The following HPD variants were observed in gnomAD, a reference collection of about 807,000 sequenced individuals.
The protein encoded by HPD is 4-hydroxyphenylpyruvate dioxygenase.
HPD carries 35 observed loss-of-function variants against 56.9 expected under a neutral mutation model. The ratio of observed to expected loss-of-function variants is 0.62; its 90% CI spans 0.47 to 0.82. The LOEUF is 0.82. Among genes scored for constraint, HPD ranks in the 40% least tolerant of loss-of-function variants. The pLI is 0.00. For missense variants in HPD, 442 were observed against 506.8 expected (o/e 0.87, Z 1.23); for synonymous variants, 186 against 200.2 (o/e 0.93, Z 0.60).
chr12:121,841,697 T>TC (rs911952242), intron 12 of HPD, among the ~76,000 whole-genome samples: 13 of 151,806 alleles, frequency 8.6e-5, no homozygotes, highest in African/African-American at 3.1e-4. Context: ...TTTTTTTTTT[T>TC]TTCCGAGATG....
In HPD at chr12:121,846,915, C is replaced by T. The variant is rs755816788; in HGVS notation, c.778G>A (p.Gly260Arg). 56 of 1,614,004 alleles carry T rather than the reference C, an allele frequency of 3.5e-5. No individual in the cohort carries two copies. The highest frequency in any genetic ancestry group is 1.6e-4 in the Middle Eastern group (1 of 6,084). The change falls in exon 11 of 14, where the codon GGG (glycine) becomes AGG (arginine). Residue 260 changes from glycine to arginine, a missense_variant. Coordinates refer to ENST00000289004, the MANE Select transcript of HPD (RefSeq NM_002150.3). ...GCGATGTGCTGGACCCCAGCGCCCCCGTTATAGTCCACATATTCCTGGGGG... is the reference window on the plus strand; with the variant it reads ...GCGATGTGCTGGACCCCAGCGCCCCTGTTATAGTCCACATATTCCTGGGGG... The part of the protein sequence containing the change: ...SQIQEYVDYN[G>R]GAGVQHIALK...
chr12:121,851,132 G>T (rs941152018), intron 7 of HPD, among the ~76,000 whole-genome samples: 2 of 151,594 alleles, frequency 1.3e-5, no homozygotes, highest in Non-Finnish European at 2.9e-5. Context: ...AAAGTGCTGG[G>T]ATTACAAGCA....
At chr12:121,856,259 G>T in intron 6 of HPD, 65 bp downstream of exon 6, 2 of 1,264,500 alleles carry the variant, frequency 1.6e-6, no homozygotes, top group Non-Finnish European at 2.3e-6. Flanking sequence ...TTCCAGCCCT[G>T]ACTGATGGGG....
Position 121,839,605 on chromosome 12 carries a change from G to A in HPD, c.*123C>T. On this transcript the variant is annotated 3_prime_UTR_variant, in exon 14 of 14. Coordinates refer to ENST00000289004, the MANE Select transcript of HPD (RefSeq NM_002150.3). Reference sequence around the variant, plus strand: ...GAGGGGCGTGGTCAGTGTGGGCGGAGCCTTGGGGGCCGAGTCCGCTGGTGG... The same window carrying A: ...GAGGGGCGTGGTCAGTGTGGGCGGAACCTTGGGGGCCGAGTCCGCTGGTGG... The A allele has an allele frequency of 1.3e-6, 1 of 748,622 alleles. No individual in the cohort carries two copies. The highest frequency in any genetic ancestry group is 2.0e-5 in the Admixed American group (1 of 49,358). 46.4% of individuals were successfully genotyped at this position (748,622 alleles called of 1,614,324 possible).
intron 8 of HPD, among the ~76,000 whole-genome samples, chr12:121,849,361 G>A (rs997980071): frequency 1.3e-5 from 2 of 152,026 alleles, no homozygotes; most frequent in Admixed American, 1.3e-4. Context: ...TAATGGGCCG[G>A]ACATTTTATT....
the HPD span, among the ~76,000 whole-genome samples, chr12:121,882,385 A>C: frequency 2.0e-5 from 3 of 152,230 alleles, no homozygotes; most frequent in African/African-American, 7.2e-5. Flanking sequence ...GAAGATGAGC[A>C]AGATGTGAAA....
intron 7 of HPD, among the ~76,000 whole-genome samples, chr12:121,851,192 C>T (rs1418072024): frequency 6.6e-6 from 1 of 151,804 alleles, no homozygotes. Flanking sequence ...TGTTGTTTTA[C>T]TTAGTGACAT....
chr12:121,842,230 C>A (rs1244061244), intron 12 of HPD, among the ~76,000 whole-genome samples: 1 of 151,662 alleles, frequency 6.6e-6, no homozygotes, highest in Admixed American at 6.6e-5. Flanking sequence ...CTCAAGTGAT[C>A]CTCTCACCTC....
chr12:121,850,472 C>CTTTTTT (rs572420297), intron 7 of HPD, among the ~76,000 whole-genome samples: 1 of 120,166 alleles, frequency 8.3e-6, no homozygotes, highest in East Asian at 2.8e-4. Flanking sequence ...CTTTAACCAT[C>CTTTTTT]TTTTTTTTTT....
upstream of HPD, among the ~76,000 whole-genome samples, chr12:121,862,260 G>C (rs979303854): frequency 6.6e-6 from 1 of 151,972 alleles, no homozygotes; most frequent in South Asian, 2.1e-4. Flanking sequence ...CTCTCTAATG[G>C]GACCATTTAC....
intron 11 of HPD, among the ~76,000 whole-genome samples, chr12:121,845,495 G>T (rs1316616348): frequency 6.6e-6 from 1 of 150,850 alleles, no homozygotes; most frequent in Admixed American, 6.6e-5. Flanking sequence ...CAGCTACTTG[G>T]GAGGCTGAGG....
upstream of HPD, among the ~76,000 whole-genome samples, chr12:121,866,225 C>T (rs559988765): frequency 5.6e-4 from 84 of 149,662 alleles, no homozygotes; most frequent in East Asian, 0.014. Flanking sequence ...GGTGTGAACT[C>T]GGGAGGCAGA....
At chr12:121,886,152 G>A in the HPD span, among the ~76,000 whole-genome samples, 2 of 141,336 alleles carry the variant, frequency 1.4e-5, no homozygotes, top group South Asian at 2.3e-4. Context: ...TCTCTCGCCC[G>A]GGCTGGAGTG....
At chr12:121,868,674 C>A in the HPD span, among the ~76,000 whole-genome samples, 2 of 151,894 alleles carry the variant, frequency 1.3e-5, no homozygotes, top group African/African-American at 2.4e-5. Flanking sequence ...GCCTGTGCCC[C>A]CATGCCCAGC....
chr12:121,862,737 A>G (rs530429510), upstream of HPD, among the ~76,000 whole-genome samples: 7 of 126,964 alleles, frequency 5.5e-5, no homozygotes, highest in African/African-American at 9.2e-5. Context: ...CTGGAGTGCA[A>G]TGGTGCAATC....
upstream of HPD, among the ~76,000 whole-genome samples, chr12:121,865,066 G>C (rs568403660): frequency 1.3e-5 from 2 of 151,890 alleles, no homozygotes; most frequent in Non-Finnish European, 1.5e-5. Context: ...TCAGGAGTTC[G>C]AGACCAGCCT....
chr12:121,853,924 G>A (rs890133429), intron 7 of HPD, among the ~76,000 whole-genome samples: 5 of 144,194 alleles, frequency 3.5e-5, no homozygotes, highest in African/African-American at 1.3e-4. Context: ...GCGACAGAGA[G>A]ACTCCGTCTG....
intron 6 of HPD, 64 bp from the exon 7 acceptor site, chr12:121,854,856 G>A (rs1457806464): frequency 2.3e-5 from 30 of 1,290,148 alleles, no homozygotes; most frequent in Non-Finnish European, 2.9e-5. Context: ...CTTGCCTGCT[G>A]CTCCTGCCTG....
At position 121,847,033 on chromosome 12, in the gene HPD, C is replaced by T. The variant is rs747115644; in HGVS notation, c.759+19G>A. ...ACCTCTTCCCTGCTCCCCTCTCCCC[C>T]AGCCAGGGGCGGCCTCACCTGGATC... On this transcript the variant is annotated intron_variant, in intron 10 of 13. Coordinates refer to ENST00000289004, the MANE Select transcript of HPD (RefSeq NM_002150.3). 2 of 1,613,996 alleles carry T rather than the reference C, an allele frequency of 1.2e-6. No individual in the cohort carries two copies. The highest frequency in any genetic ancestry group is 1.7e-5 in the Admixed American group (1 of 60,000).
Sources: allele counts gnomAD v4.1 joint callset (sites outside exome capture counted in the v4.1 genomes callset), GRCh38; gene constraint gnomAD v4.1.1; transcripts MANE v1.5; gene names NCBI Gene and HGNC (gene_info 2026-07-23, HGNC 2026-07-21).